The following LINGO2 variants were observed in gnomAD, a reference collection of about 807,000 sequenced individuals.
The protein encoded by LINGO2 is leucine rich repeat and Ig domain containing 2.
A neutral mutation model predicts 30.6 loss-of-function variants in LINGO2; 14 were observed. The observed-to-expected ratio is 0.46, with a 90% CI of 0.30 to 0.72. LINGO2 has a LOEUF of 0.72. Ranked by LOEUF, LINGO2 falls within the 30% of genes least tolerant of loss-of-function variation. LINGO2 has a pLI of 0.07. For missense variants in LINGO2, 729 were observed against 751.7 expected, an observed-to-expected ratio of 0.97 and a Z score of 0.35; for synonymous variants, 317 against 288.5, an observed-to-expected ratio of 1.10 and a Z score of -1.00.
chr9:28,205,650 G>GA (rs1820383532), intron 4 of LINGO2, among the ~76,000 whole-genome samples: 1 of 152,124 alleles, frequency 6.6e-6, no homozygotes, highest in African/African-American at 2.4e-5. Context: ...AAACATGGCA[G>GA]TATTTATCCA....
chr9:28,157,263 C>T (rs561595515), intron 4 of LINGO2, among the ~76,000 whole-genome samples: 83 of 152,294 alleles, frequency 5.4e-4, no homozygotes, highest in African/African-American at 1.1e-3. Context: ...TGCACCCACA[C>T]GCTCAACACC....
intron 4 of LINGO2, among the ~76,000 whole-genome samples, chr9:28,111,581 G>C (rs1195096338): frequency 6.6e-6 from 1 of 152,040 alleles, no homozygotes; most frequent in East Asian, 1.9e-4. Context: ...GGCTAGTTCA[G>C]AGTAATCATT....
the LINGO2 span, among the ~76,000 whole-genome samples, chr9:29,193,023 GA>G: frequency 6.6e-6 from 1 of 152,192 alleles, no homozygotes; most frequent in South Asian, 2.1e-4. Flanking sequence ...ACAAGAGGCA[GA>G]ATCTTTCAGT....
chr9:28,032,592 A>G (rs1047375437), intron 4 of LINGO2, among the ~76,000 whole-genome samples: 1 of 152,216 alleles, frequency 6.6e-6, no homozygotes, highest in African/African-American at 2.4e-5. Flanking sequence ...GAGGCAACAT[A>G]AATGTTTTTA....
intron 4 of LINGO2, among the ~76,000 whole-genome samples, chr9:28,220,712 T>C (rs16912591): frequency 0.033 from 5,013 of 152,148 alleles, 271 homozygotes; most frequent in African/African-American, 0.11. Flanking sequence ...ATTCTAGAGC[T>C]CTGATCTATC....
At chr9:28,032,009 T>C (rs1360153061) in intron 4 of LINGO2, among the ~76,000 whole-genome samples, 1 of 148,960 alleles carries the variant, frequency 6.7e-6, no homozygotes, top group East Asian at 2.0e-4. Context: ...GGTACCTTTG[T>C]TACTAGCAGT....
At chr9:28,623,647 C>A (rs1248047972) in intron 1 of LINGO2, among the ~76,000 whole-genome samples, 2 of 151,864 alleles carry the variant, frequency 1.3e-5, no homozygotes, top group African/African-American at 4.8e-5. Context: ...CCGTTTTGTT[C>A]TTTTTGCTTA....
At chr9:28,044,766 G>T (rs146804530) in intron 4 of LINGO2, among the ~76,000 whole-genome samples, 2 of 79,452 alleles carry the variant, frequency 2.5e-5, no homozygotes, top group Non-Finnish European at 5.7e-5. Context: ...CAGGTGGGAA[G>T]CATGTGTCTT....
At chr9:28,855,487 C>A in the LINGO2 span, among the ~76,000 whole-genome samples, 1 of 151,982 alleles carries the variant, frequency 6.6e-6, no homozygotes, top group Non-Finnish European at 1.5e-5. Context: ...TACCCTTAAG[C>A]TGCATGAATG....
At chr9:28,838,026 T>C in the LINGO2 span, among the ~76,000 whole-genome samples, 5 of 152,040 alleles carry the variant, frequency 3.3e-5, no homozygotes, top group South Asian at 1.0e-3. Context: ...GAGAAAAAAA[T>C]GTTTGAAAAT....
At chr9:28,757,001 AC>A in the LINGO2 span, among the ~76,000 whole-genome samples, 1 of 152,058 alleles carries the variant, frequency 6.6e-6, no homozygotes, top group Admixed American at 6.5e-5. Context: ...AAAGTAATTT[AC>A]CAGTTTTAGT....
At chr9:28,768,757 G>A in the LINGO2 span, among the ~76,000 whole-genome samples, 1 of 151,694 alleles carries the variant, frequency 6.6e-6, no homozygotes, top group Non-Finnish European at 1.5e-5. Flanking sequence ...AGTACTTCAT[G>A]GCTTTTACTG....
At chr9:28,687,823 A>C in the LINGO2 span, among the ~76,000 whole-genome samples, 1 of 151,984 alleles carries the variant, frequency 6.6e-6, no homozygotes, top group African/African-American at 2.4e-5. Flanking sequence ...TGCCAATTTT[A>C]TTTTCTTTCT....
At chr9:28,346,323 C>T (rs775133829) in intron 3 of LINGO2, among the ~76,000 whole-genome samples, 6 of 152,142 alleles carry the variant, frequency 3.9e-5, no homozygotes, top group Non-Finnish European at 7.3e-5. Context: ...CATTGGTTTG[C>T]TAAGGATAAT....
At chr9:28,155,914 A>G (rs1360229813) in intron 4 of LINGO2, among the ~76,000 whole-genome samples, 2 of 152,184 alleles carry the variant, frequency 1.3e-5, no homozygotes. Context: ...CAGACACTGA[A>G]TCATCAGGCA....
chr9:28,876,050 G>A, the LINGO2 span, among the ~76,000 whole-genome samples: 4 of 151,862 alleles, frequency 2.6e-5, no homozygotes, highest in South Asian at 2.1e-4. Context: ...CTTTCACTCC[G>A]AGTATTTTTT....
the LINGO2 span, among the ~76,000 whole-genome samples, chr9:28,977,763 TGGACTCTGA>T: frequency 6.6e-6 from 1 of 152,214 alleles, no homozygotes; most frequent in Non-Finnish European, 1.5e-5. Context: ...CAACCACACC[TGGACTCTGA>T]GGATTTTAAA....
chr9:28,403,818 C>T (rs1231541650), intron 2 of LINGO2, among the ~76,000 whole-genome samples: 2 of 151,970 alleles, frequency 1.3e-5, no homozygotes, highest in Admixed American at 6.6e-5. Flanking sequence ...CTGGATCCTA[C>T]TCAAATATAC....
At chr9:28,682,426 A>G in the LINGO2 span, among the ~76,000 whole-genome samples, 14 of 152,154 alleles carry the variant, frequency 9.2e-5, no homozygotes, top group Non-Finnish European at 2.1e-4. Flanking sequence ...GGTCATAACC[A>G]AAGTCTTGAT....
Sources: gnomAD v4.1 joint callset for allele counts (sites outside exome capture counted in the v4.1 genomes callset) on GRCh38, gnomAD v4.1.1 for gene constraint, MANE v1.5 for transcripts, NCBI Gene and HGNC (gene_info 2026-07-23, HGNC 2026-07-21) for gene names.